Variants in SLC1A1 observed in about 807,000 individuals in gnomAD.
SLC1A1 encodes the protein excitatory amino acid transporter 3.
SLC1A1 carries 43 observed loss-of-function variants against 53.3 expected under a neutral mutation model. The ratio of observed to expected loss-of-function variants is 0.81; its 90% CI spans 0.63 to 1.04. The LOEUF is 1.04. Among genes scored for constraint, SLC1A1 ranks in the 50% least tolerant of loss-of-function variants. The pLI is 0.00. For synonymous variants in SLC1A1, 307 were observed against 243.2 expected (o/e 1.26, Z -2.44); for missense variants, 748 against 664.9 (o/e 1.12, Z -1.37).
chr9:4,587,459 C>T lies in SLC1A1; in HGVS notation c.*1901C>T, dbSNP rs1251567843. On this transcript the variant is annotated 3_prime_UTR_variant, in exon 12 of 12. Transcript: ENST00000262352. Reference sequence around the variant, plus strand: ...CATTTCAGTCTCAATAAACACTTCCCTCATTCTTTCCCCCTGCCTTTTTCT... The same window carrying T: ...CATTTCAGTCTCAATAAACACTTCCTTCATTCTTTCCCCCTGCCTTTTTCT... 2.0e-5 allele frequency: 3 copies of T among 152,364 alleles called. No homozygotes were observed. The highest frequency in any genetic ancestry group is 2.1e-4 in the South Asian group (1 of 4,826). The allele number at this position is 152,364 out of a possible 1,614,324, so 9.4% of individuals were successfully genotyped here.
At chr9:4,524,457 A>G (rs536721307) in intron 1 of SLC1A1, among the ~76,000 whole-genome samples, 1 of 152,364 alleles carries the variant, frequency 6.6e-6, no homozygotes, top group South Asian at 2.1e-4. Context: ...GCCAGAAATA[A>G]AAAGGGAACT....
intron 1 of SLC1A1, among the ~76,000 whole-genome samples, chr9:4,542,101 C>T (rs1817064049): frequency 7.4e-6 from 1 of 135,004 alleles, no homozygotes; most frequent in African/African-American, 2.9e-5. Flanking sequence ...GTGTGACATC[C>T]CAACTTCATT....
chr9:4,565,949 T>C, intron 4 of SLC1A1, 98 bp from the exon 5 acceptor site: 1 of 916,058 alleles, frequency 1.1e-6, no homozygotes, highest in South Asian at 1.3e-5. Context: ...GAAACCAGAG[T>C]ACTAGTTTTA....
At chr9:4,525,564 C>A (rs1229292822) in intron 1 of SLC1A1, among the ~76,000 whole-genome samples, 1 of 151,882 alleles carries the variant, frequency 6.6e-6, no homozygotes, top group Non-Finnish European at 1.5e-5. Flanking sequence ...ATAGAACAGT[C>A]TGAAATAATA....
chr9:4,580,594 AATAT>A (rs1165745773), intron 10 of SLC1A1, among the ~76,000 whole-genome samples: 1 of 82,872 alleles, frequency 1.2e-5, no homozygotes, highest in East Asian at 2.9e-4. Context: ...AAAAAAAAAA[AATAT>A]ATATGTGTGT....
At chr9:4,512,803 C>G (rs1412413948) in intron 1 of SLC1A1, among the ~76,000 whole-genome samples, 2 of 151,920 alleles carry the variant, frequency 1.3e-5, no homozygotes, top group East Asian at 1.9e-4. Context: ...CTCACTCTGT[C>G]TCCCAGGTTG....
chr9:4,518,258 AAG>A (rs1554676468), intron 1 of SLC1A1, among the ~76,000 whole-genome samples: 11 of 150,032 alleles, frequency 7.3e-5, no homozygotes, highest in African/African-American at 2.7e-4. Context: ...AAAAAAAAAA[AAG>A]AATGAAGTCC....
At chr9:4,495,120 C>T (rs754120265) in intron 1 of SLC1A1, among the ~76,000 whole-genome samples, 2 of 152,162 alleles carry the variant, frequency 1.3e-5, no homozygotes, top group Non-Finnish European at 2.9e-5. Context: ...GCTCATGTAG[C>T]GTGCATCTGG....
intron 6 of SLC1A1, among the ~76,000 whole-genome samples, chr9:4,570,661 G>A (rs941609234): frequency 1.3e-5 from 2 of 152,086 alleles, no homozygotes; most frequent in South Asian, 2.1e-4. Flanking sequence ...GTGAGCCACC[G>A]CACCCAGCTA....
chr9:4,576,409 G>A (rs1820550808), intron 9 of SLC1A1, among the ~76,000 whole-genome samples, 160 bp from the exon 10 acceptor site: 1 of 152,198 alleles, frequency 6.6e-6, no homozygotes, highest in Non-Finnish European at 1.5e-5. Context: ...GCATGATTTG[G>A]ATCCTTTGTT....
rs1483880187 is a variant in SLC1A1, at chr9:4,556,057, C to G, written c.233-5392C>G. Among the ~76,000 whole-genome samples the G allele has an allele frequency of 6.6e-6, 1 of 150,626 alleles. No individual in the cohort carries two copies. The highest frequency in any genetic ancestry group is 2.1e-4 in the South Asian group (1 of 4,804). ...AGGCTGAAGTGCAGTGGCATGATAT[C>G]GGCTCACTGCAACCTCCACCTCCCA... On this transcript the variant is annotated intron_variant, in intron 2 of 11. Coordinates refer to ENST00000262352, the MANE Select transcript of SLC1A1 (RefSeq NM_004170.6). The surrounding 1 kb of genome is among the most constrained non-coding windows in gnomAD (Gnocchi z 4.1).
At chr9:4,535,485 G>C (rs1816640716) in intron 1 of SLC1A1, among the ~76,000 whole-genome samples, 1 of 152,130 alleles carries the variant, frequency 6.6e-6, no homozygotes, top group Non-Finnish European at 1.5e-5. Context: ...AAAATACCTA[G>C]AAATCCAACT....
chr9:4,496,377 A>G (rs540011824), intron 1 of SLC1A1, among the ~76,000 whole-genome samples: 1 of 152,104 alleles, frequency 6.6e-6, no homozygotes, highest in East Asian at 2.0e-4. Flanking sequence ...TTTAAGATCC[A>G]GAGAGTATTT....
At chr9:4,539,137 G>A (rs1035864532) in intron 1 of SLC1A1, among the ~76,000 whole-genome samples, 1 of 152,004 alleles carries the variant, frequency 6.6e-6, no homozygotes, top group Admixed American at 6.6e-5. Flanking sequence ...TCTCTTTTCT[G>A]CAAATACCCC....
intron 2 of SLC1A1, among the ~76,000 whole-genome samples, chr9:4,551,186 A>G (rs982248792): frequency 5.9e-5 from 9 of 152,192 alleles, no homozygotes; most frequent in Non-Finnish European, 1.2e-4. Flanking sequence ...ACAGCAGATG[A>G]CACACTTAAA....
At chr9:4,568,342 A>G (rs4740790) in intron 6 of SLC1A1, among the ~76,000 whole-genome samples, 104,842 of 151,144 alleles carry the variant, frequency 0.69, 36,350 homozygotes, top group East Asian at 0.73. Flanking sequence ...TGCTTGTTCC[A>G]GGGAATTCAA....
At chr9:4,543,979 G>T (rs906134007) in intron 1 of SLC1A1, among the ~76,000 whole-genome samples, 1 of 152,196 alleles carries the variant, frequency 6.6e-6, no homozygotes, top group East Asian at 1.9e-4. Context: ...AGGAGTTCGA[G>T]ACCAGCCTGG....
At chr9:4,567,510 G>T (rs1156598631) in intron 5 of SLC1A1, among the ~76,000 whole-genome samples, 159 bp from the exon 6 acceptor site, 2 of 152,170 alleles carry the variant, frequency 1.3e-5, no homozygotes, top group African/African-American at 4.8e-5. Context: ...AAAACCTGAT[G>T]GGAGGTACCG....
chr9:4,558,071 T>A (rs1193573922), intron 2 of SLC1A1, among the ~76,000 whole-genome samples: 4 of 152,176 alleles, frequency 2.6e-5, no homozygotes, highest in African/African-American at 9.7e-5. Context: ...ATGATTATCA[T>A]CCTCATCATT....
Sources: gnomAD v4.1 joint callset for allele counts (sites outside exome capture counted in the v4.1 genomes callset) on GRCh38, gnomAD v4.1.1 for gene constraint, Gnocchi (gnomAD v3.1) non-coding constraint, MANE v1.5 for transcripts, NCBI Gene and HGNC (gene_info 2026-07-23, HGNC 2026-07-21) for gene names.